Variants in MEGF9 observed in about 807,000 individuals in gnomAD.
The protein encoded by MEGF9 is multiple EGF like domains 9, also known as multiple epidermal growth factor-like domains protein 9.
In MEGF9, 6 loss-of-function variants were observed where a neutral mutation model predicts 46.8. The ratio of observed to expected loss-of-function variants is 0.13; its 90% CI spans 0.07 to 0.25. The LOEUF (loss-of-function observed/expected upper bound fraction) is 0.25. Among genes scored for constraint, MEGF9 ranks in the 10% least tolerant of loss-of-function variants. The pLI, the probability that MEGF9 is intolerant of heterozygous loss-of-function variation, is 1.00. For missense variants in MEGF9, 683 were observed against 792.4 expected, an observed-to-expected ratio of 0.86 and a Z score of 1.66; for synonymous variants, 302 against 330.7, an observed-to-expected ratio of 0.91 and a Z score of 0.94.
At chr9:120,647,665 C>T (rs2043631714) in intron 2 of MEGF9, among the ~76,000 whole-genome samples, 1 of 152,144 alleles carries the variant, frequency 6.6e-6, no homozygotes, top group Admixed American at 6.6e-5. Context: ...GTTCTGCTTT[C>T]CTACAAAATA....
intron 2 of MEGF9, among the ~76,000 whole-genome samples, chr9:120,654,039 A>T (rs1048063020): frequency 6.6e-6 from 1 of 152,176 alleles, no homozygotes; most frequent in African/African-American, 2.4e-5. Flanking sequence ...TTTAGGACGG[A>T]GGCTGGGAAG....
At chr9:120,706,784 A>G (rs2043931124) in intron 1 of MEGF9, among the ~76,000 whole-genome samples, 1 of 152,318 alleles carries the variant, frequency 6.6e-6, no homozygotes, top group African/African-American at 2.4e-5. Context: ...GCAGTGAGCC[A>G]TGATTGTGCC....
intron 1 of MEGF9, among the ~76,000 whole-genome samples, chr9:120,667,346 C>A (rs1030563677): frequency 2.6e-5 from 4 of 152,190 alleles, no homozygotes; most frequent in African/African-American, 9.6e-5. Flanking sequence ...GGAGTACAAT[C>A]TTTTCTTTTC....
intron 2 of MEGF9, among the ~76,000 whole-genome samples, chr9:120,654,874 T>TA (rs1490223510): frequency 3.3e-5 from 5 of 152,172 alleles, no homozygotes; most frequent in African/African-American, 1.2e-4. Flanking sequence ...TCGTAGTTTT[T>TA]AACACAAAAG....
intron 3 of MEGF9, among the ~76,000 whole-genome samples, chr9:120,612,849 C>T (rs137953733): frequency 6.0e-5 from 9 of 150,090 alleles, no homozygotes; most frequent in African/African-American, 2.2e-4. Flanking sequence ...AATCCAAATA[C>T]ATATTAATAG....
At chr9:120,650,240 T>C (rs1328513717) in intron 2 of MEGF9, among the ~76,000 whole-genome samples, 1 of 152,184 alleles carries the variant, frequency 6.6e-6, no homozygotes, top group Non-Finnish European at 1.5e-5. Flanking sequence ...CAATGTGCAA[T>C]TGTCTACATA....
Position 120,714,390 on chromosome 9 carries a change from C to T in MEGF9, c.-32G>A. 7.9e-7 allele frequency: 1 copy of T among 1,270,816 alleles called. No homozygotes were observed. Among genetic ancestry groups the T allele is most frequent in the Non-Finnish European group, 9.9e-7 (1 of 1,007,962 alleles). 78.7% of individuals were successfully genotyped at this position (1,270,816 alleles called of 1,614,324 possible). ...AGCCAGTCGGTTGGTCAGTCATCTT[C>T]TCCTCGTTGCAATCCGACCAAGGAA... On this transcript the variant is annotated 5_prime_UTR_variant, in exon 1 of 6. Coordinates refer to ENST00000373930, the MANE Select transcript of MEGF9 (RefSeq NM_001080497.3).
At chr9:120,685,431 C>T (rs948282978) in intron 1 of MEGF9, among the ~76,000 whole-genome samples, 2 of 152,196 alleles carry the variant, frequency 1.3e-5, no homozygotes, top group Non-Finnish European at 2.9e-5. Context: ...ATTTGGCTCC[C>T]TCCTCCCCTC....
intron 1 of MEGF9, among the ~76,000 whole-genome samples, chr9:120,688,553 C>T (rs2043834608): frequency 6.6e-6 from 1 of 152,100 alleles, no homozygotes; most frequent in Non-Finnish European, 1.5e-5. Flanking sequence ...CCCTCATGGA[C>T]CTTACATCTT....
At chr9:120,678,859 C>A (rs1461106031) in intron 1 of MEGF9, among the ~76,000 whole-genome samples, 1 of 152,134 alleles carries the variant, frequency 6.6e-6, no homozygotes, top group Non-Finnish European at 1.5e-5. Flanking sequence ...TCTGGCTGAA[C>A]AGACACATGA....
At chr9:120,712,040 T>C (rs1199872414) in intron 1 of MEGF9, among the ~76,000 whole-genome samples, 3 of 152,172 alleles carry the variant, frequency 2.0e-5, no homozygotes, top group Non-Finnish European at 4.4e-5. Flanking sequence ...GAGGACTGCT[T>C]GAGTTCAGGA....
At chr9:120,663,461 C>T (rs2043711589) in intron 1 of MEGF9, among the ~76,000 whole-genome samples, 1 of 152,170 alleles carries the variant, frequency 6.6e-6, no homozygotes, top group Admixed American at 6.5e-5. Context: ...ATAATGCAAT[C>T]CCCTTAGTAA....
intron 1 of MEGF9, among the ~76,000 whole-genome samples, chr9:120,700,349 G>C (rs2043898446): frequency 6.6e-6 from 1 of 152,186 alleles, no homozygotes; most frequent in South Asian, 2.1e-4. Flanking sequence ...GAACAGGATA[G>C]GTTTGCAGGC....
intron 2 of MEGF9, among the ~76,000 whole-genome samples, chr9:120,652,954 A>G (rs2043660093): frequency 6.6e-6 from 1 of 152,368 alleles, no homozygotes; most frequent in Non-Finnish European, 1.5e-5. Context: ...GAGGTCAAAC[A>G]GCTTAATAAA....
At position 120,607,858 on chromosome 9, in the gene MEGF9, T is replaced by C; in HGVS notation, c.1240A>G (p.Ile414Val). 6.2e-7 allele frequency: 1 copy of C among 1,614,000 alleles called. No homozygotes were observed. The highest frequency in any genetic ancestry group is 8.5e-7 in the Non-Finnish European group (1 of 1,179,872). ...CACTCACCACTCTCGGGCTTACAAA[T>C]CTTTGGAGTTTTAACTGGGTCCACA... ...GHVDPVKTPK[I>V]CKPESGECIN... The change falls in exon 5 of 6, where the codon ATT (isoleucine) becomes GTT (valine). Residue 414 changes from isoleucine (I) to valine (V), a missense_variant. Transcript: ENST00000373930.
intron 1 of MEGF9, among the ~76,000 whole-genome samples, chr9:120,686,509 A>T (rs1459601038): frequency 6.6e-6 from 1 of 152,254 alleles, no homozygotes; most frequent in Non-Finnish European, 1.5e-5. Flanking sequence ...GGTCAGCTTT[A>T]TATGTTTTTT....
chr9:120,622,838 C>T, intron 2 of MEGF9, 83 bp from the exon 3 acceptor site: 1 of 1,409,986 alleles, frequency 7.1e-7, no homozygotes. Context: ...GGAAAGAAAG[C>T]CCAGCTCATG....
chr9:120,618,480 T>C (rs777593667), intron 3 of MEGF9, among the ~76,000 whole-genome samples: 18 of 152,174 alleles, frequency 1.2e-4, no homozygotes, highest in Admixed American at 2.6e-4. Context: ...TATATGAACA[T>C]GAAGTTCCAG....
intron 5 of MEGF9, among the ~76,000 whole-genome samples, chr9:120,606,998 A>G (rs1259852844): frequency 6.6e-6 from 1 of 152,184 alleles, no homozygotes; most frequent in Non-Finnish European, 1.5e-5. Context: ...GTTCAATCTG[A>G]ATCTTTTTGC....
Sources: allele counts gnomAD v4.1 joint callset (sites outside exome capture counted in the v4.1 genomes callset), GRCh38; gene constraint gnomAD v4.1.1; transcripts MANE v1.5; gene names NCBI Gene and HGNC (gene_info 2026-07-23, HGNC 2026-07-21).